HIP1: variants seen among roughly 807,000 people sequenced by gnomAD.
The protein encoded by HIP1 is huntingtin-interacting protein 1.
Under a neutral mutation model 147.6 loss-of-function variants are expected in HIP1, and 65 were observed. The observed-to-expected ratio is 0.44, with a 90% confidence interval of 0.36 to 0.54. HIP1 has a LOEUF of 0.54. Among genes scored for constraint, HIP1 ranks in the 20% least tolerant of loss-of-function variants. The probability of loss-of-function intolerance (pLI) is 0.00; values close to 1 mark genes in which losing one functional copy is unlikely to be tolerated. For missense variants in HIP1, 1,061 were observed against 1,299.6 expected (o/e 0.82, Z 2.82); for synonymous variants, 479 against 504.0 (o/e 0.95, Z 0.67).
chr7:75,555,398 G>A lies in HIP1; in HGVS notation c.1963+18C>T. ...TGTAAGGACCTGGCCCCTGCCAGCT[G>A]GGCAATTGCAAGTGTACCTGCAGAC... On this transcript the variant is annotated intron_variant, in intron 19 of 30. Transcript: ENST00000336926. 2 of 1,612,902 alleles carry A rather than the reference G, an allele frequency of 1.2e-6. No homozygotes were observed. The highest frequency in any genetic ancestry group is 1.7e-6 in the Non-Finnish European group (2 of 1,179,924).
intron 1 of HIP1, among the ~76,000 whole-genome samples, chr7:75,680,079 G>A (rs1303692146): frequency 7.9e-5 from 12 of 152,288 alleles, no homozygotes; most frequent in African/African-American, 2.6e-4. Context: ...GTCTCACTGT[G>A]TCACCCAGGC....
chr7:75,723,163 C>T (rs1342068457), intron 1 of HIP1, among the ~76,000 whole-genome samples: 1 of 152,006 alleles, frequency 6.6e-6, no homozygotes, highest in Non-Finnish European at 1.5e-5. Context: ...GTCAGGAGTT[C>T]GAGACCAGCC....
In HIP1 at chr7:75,589,975, C is replaced by T. The variant is rs146542228; in HGVS notation, c.384+2081G>A. On this transcript the variant is annotated intron_variant, in intron 4 of 30. Coordinates refer to ENST00000336926, the MANE Select transcript of HIP1 (RefSeq NM_005338.7). ...GTCTCAATCTCCTGACCTCGTGATCCGCCCGCCTCGGCCTCCCAAAGTGCT... is the reference window on the plus strand; with the variant it reads ...GTCTCAATCTCCTGACCTCGTGATCTGCCCGCCTCGGCCTCCCAAAGTGCT... 4.5e-3 allele frequency among the ~76,000 whole-genome samples: 682 copies of T among 151,994 alleles called. 8 individuals carry two copies. Among genetic ancestry groups the T allele is most frequent in the African/African-American group, 0.016 (649 of 41,504 alleles).
Position 75,563,276 on chromosome 7 carries a change from A to G in HIP1, c.804-13T>C. ...CAGATCTTTCAACCTAGGGGTGGAGAAGGACCTGAGGGGTGCTGGGTGTCT... is the reference window on the plus strand; with the variant it reads ...CAGATCTTTCAACCTAGGGGTGGAGGAGGACCTGAGGGGTGCTGGGTGTCT... On this transcript the variant is annotated splice_polypyrimidine_tract_variant and intron_variant, in intron 9 of 30. Transcript: ENST00000336926. The G allele has an allele frequency of 1.2e-6, 2 of 1,613,782 alleles. No individual in the cohort carries two copies. The highest frequency in any genetic ancestry group is 2.2e-5 in the South Asian group (2 of 91,066).
At chr7:75,614,642 A>T (rs1354247649) in intron 1 of HIP1, among the ~76,000 whole-genome samples, 2 of 152,192 alleles carry the variant, frequency 1.3e-5, no homozygotes, top group Admixed American at 1.3e-4. Flanking sequence ...TTAAACAGTC[A>T]TGTCGGTTGC....
At chr7:75,611,723 T>C in intron 1 of HIP1, 2 of 1,034,126 alleles carry the variant, frequency 1.9e-6, no homozygotes, top group Non-Finnish European at 2.3e-6. Flanking sequence ...TTCTCTGGAC[T>C]TCCCTGGAGT....
At chr7:75,540,471 A>G (rs1373501781) in intron 29 of HIP1, among the ~76,000 whole-genome samples, 1 of 150,478 alleles carries the variant, frequency 6.6e-6, no homozygotes, top group Non-Finnish European at 1.5e-5. Context: ...TTAGCTGGGC[A>G]TGGTGGTGTG....
intron 4 of HIP1, among the ~76,000 whole-genome samples, chr7:75,589,525 A>C (rs1796408477): frequency 6.6e-6 from 1 of 151,572 alleles, no homozygotes; most frequent in Non-Finnish European, 1.5e-5. Context: ...TCTCCACTAA[A>C]ATATAAAAAT....
At chr7:75,545,260 A>C (rs1358079307) in intron 25 of HIP1, 72 bp from the exon 26 acceptor site, 2 of 832,594 alleles carry the variant, frequency 2.4e-6, no homozygotes, top group African/African-American at 3.4e-5. Flanking sequence ...TTTTATACAT[A>C]TATTATCCCA....
chr7:75,618,388 T>G (rs587708508), intron 1 of HIP1, among the ~76,000 whole-genome samples: 111 of 152,228 alleles, frequency 7.3e-4, no homozygotes, highest in African/African-American at 2.4e-3. Context: ...TGACCTCAAG[T>G]GTTTCATCTG....
chr7:75,724,092 G>A (rs886096231), intron 1 of HIP1, among the ~76,000 whole-genome samples: 5 of 151,132 alleles, frequency 3.3e-5, no homozygotes, highest in Admixed American at 2.0e-4. Context: ...GAGTAGTTGG[G>A]ATTACAGTTG....
At chr7:75,624,920 G>A (rs2117104818) in intron 1 of HIP1, among the ~76,000 whole-genome samples, 1 of 150,518 alleles carries the variant, frequency 6.6e-6, no homozygotes, top group Non-Finnish European at 1.5e-5. Context: ...TCTGTACATA[G>A]GTGTATTTTT....
chr7:75,682,725 A>T (rs1800132386), intron 1 of HIP1, among the ~76,000 whole-genome samples: 1 of 152,140 alleles, frequency 6.6e-6, no homozygotes, highest in Non-Finnish European at 1.5e-5. Context: ...GAGCGAGAAA[A>T]TACATACCTT....
intron 1 of HIP1, among the ~76,000 whole-genome samples, chr7:75,708,958 A>T (rs1801080839): frequency 6.6e-6 from 1 of 152,130 alleles, no homozygotes; most frequent in African/African-American, 2.4e-5. Context: ...ACATCTTAAC[A>T]ATATTAAATC....
At chr7:75,634,378 C>T (rs1335971145) in intron 1 of HIP1, among the ~76,000 whole-genome samples, 8 of 152,188 alleles carry the variant, frequency 5.3e-5, no homozygotes, top group Admixed American at 2.0e-4. Flanking sequence ...CCAAAGGCCA[C>T]GACCCCCAGC....
rs782016160 is a variant in HIP1, at chr7:75,561,395, G to A, written c.1125C>T (p.His375=). The change falls in exon 13 of 31, where the codon CAC becomes CAT. Residue 375 remains histidine (H), a synonymous_variant. Coordinates refer to ENST00000336926, the MANE Select transcript of HIP1 (RefSeq NM_005338.7). ...QNGVNKDEKD[H]LIERLYREIS... The stretch of plus-strand genomic sequence containing the variant: ...TCTCTCTGTATAGTCGCTCAATTAA[G>A]TGGTCCCTGGGAAGAGAAGGGGAAT... 1 of 1,610,726 alleles carries A rather than the reference G, an allele frequency of 6.2e-7. No homozygotes were observed. Among genetic ancestry groups the A allele is most frequent in the Non-Finnish European group, 8.5e-7 (1 of 1,176,860 alleles).
chr7:75,559,830 G>C lies in HIP1; in HGVS notation c.1277C>G (p.Ala426Gly), dbSNP rs782523889. The C allele has an allele frequency of 3.7e-6, 6 of 1,612,110 alleles. No homozygotes were observed. Among genetic ancestry groups the C allele is most frequent in the Admixed American group, 1.7e-5 (1 of 59,922 alleles). The change falls in exon 14 of 31, where the codon GCG becomes GGG. Residue 426 changes from alanine to glycine, a missense_variant. Physicochemically the swap from Ala to Gly is moderately conservative, Grantham distance 60. This residue lies in a region of HIP1 where 810 missense variants were observed against 946.8 expected (regional missense o/e 0.86). Coordinates refer to ENST00000336926, the MANE Select transcript of HIP1 (RefSeq NM_005338.7). ...CCGCAGGAATTCACAGTCGTCGGCCGCCTGCTGCCGCAGGTGCTGCTGCTC... is the reference window on the plus strand; with the variant it reads ...CCGCAGGAATTCACAGTCGTCGGCCCCCTGCTGCCGCAGGTGCTGCTGCTC... ...LAEQQHLRQQ[A>G]ADDCEFLRAE...
At chr7:75,690,549 AGTTTG>A (rs1800413262) in intron 1 of HIP1, among the ~76,000 whole-genome samples, 1 of 152,110 alleles carries the variant, frequency 6.6e-6, no homozygotes, top group Non-Finnish European at 1.5e-5. Context: ...ACAGTGGAGA[AGTTTG>A]GTTATTCCTC....
At chr7:75,550,095 C>T (rs1396567520) in intron 22 of HIP1, among the ~76,000 whole-genome samples, 3 of 152,110 alleles carry the variant, frequency 2.0e-5, no homozygotes, top group Non-Finnish European at 2.9e-5. Context: ...AGAGGTAGAA[C>T]GTCTTGACCA....
Sources: gnomAD v4.1 joint callset for allele counts (sites outside exome capture counted in the v4.1 genomes callset) on GRCh38, gnomAD v4.1.1 for gene constraint, gnomAD v4.1.1 regional missense constraint, MANE v1.5 for transcripts, NCBI Gene and HGNC (gene_info 2026-07-23, HGNC 2026-07-21) for gene names.